MEMO1: variants seen among roughly 807,000 people sequenced by gnomAD.
MEMO1 encodes protein MEMO1.
MEMO1 carries 6 observed loss-of-function variants against 45.2 expected under a neutral mutation model. The observed-to-expected ratio is 0.13, with a 90% CI of 0.07 to 0.26. MEMO1 has a LOEUF of 0.26. MEMO1 is among the 10% of genes least tolerant of loss of function. The pLI is 1.00. For synonymous variants in MEMO1, 78 were observed against 124.3 expected, an observed-to-expected ratio of 0.63 and a Z score of 2.48; for missense variants, 184 against 370.5, an observed-to-expected ratio of 0.50 and a Z score of 4.13.
chr2:31,910,859 CA>C lies in MEMO1; in HGVS notation c.437+7066del, dbSNP rs1239007112. Among the ~76,000 whole-genome samples, 4 of 150,752 alleles carry C rather than the reference CA, an allele frequency of 2.7e-5. No individual in the cohort carries two copies. The East Asian group carries it at 7.8e-4, about 29-fold the overall frequency. On this transcript the variant is annotated intron_variant, in intron 6 of 9. Transcript: ENST00000404530. The stretch of plus-strand genomic sequence containing the variant: ...CCTAAATAAGAGTAAGAGCCCGTCT[CA>C]AAAAAATAAAAAATAAAGAAAGTTG...
intron 7 of MEMO1, among the ~76,000 whole-genome samples, chr2:31,891,589 A>C (rs1328126056): frequency 6.6e-6 from 1 of 152,158 alleles, no homozygotes; most frequent in African/African-American, 2.4e-5. Flanking sequence ...CAAAAAAGGA[A>C]ATGTGGAAAA....
intron 6 of MEMO1, among the ~76,000 whole-genome samples, chr2:31,909,727 C>T (rs1239672666): frequency 2.6e-5 from 4 of 151,984 alleles, no homozygotes; most frequent in Non-Finnish European, 5.9e-5. Flanking sequence ...TATCAAAATA[C>T]CAATGACATT....
At position 31,970,600 on chromosome 2, in the gene MEMO1, C is replaced by G. The variant is rs113843261; in HGVS notation, c.62-27217G>C. On this transcript the variant is annotated intron_variant, in intron 2 of 9. Transcript: ENST00000404530. ...CCAAACTGTATAGTTCTCATTGACA[C>G]GCAAAATGCACTATCATTCCCACCA... is the stretch of plus-strand genomic sequence containing the variant. Among the ~76,000 whole-genome samples the G allele has an allele frequency of 8.1e-3, 1,230 of 151,178 alleles. 6 individuals carry two copies. Among genetic ancestry groups the G allele is most frequent in the Non-Finnish European group, 0.014 (967 of 67,886 alleles).
chr2:31,971,237 G>C (rs533100891), intron 2 of MEMO1, among the ~76,000 whole-genome samples: 2 of 152,212 alleles, frequency 1.3e-5, no homozygotes, highest in African/African-American at 4.8e-5. Flanking sequence ...CAGTCACCCA[G>C]AAAAATGTAA....
At position 32,009,279 on chromosome 2, in the gene MEMO1, G is replaced by T. The variant is rs571281618; in HGVS notation, c.61+908C>A. 3.9e-5 allele frequency among the ~76,000 whole-genome samples: 6 copies of T among 152,222 alleles called. No individual in the cohort carries two copies. The South Asian group carries it at 1.0e-3, about 26-fold the overall frequency. On this transcript the variant is annotated intron_variant, in intron 2 of 9. Coordinates refer to ENST00000404530, the MANE Select transcript of MEMO1 (RefSeq NM_001301833.4). ...AGGGCGACCAGTGACTGGGGCGACT[G>T]CTCGGGAAAAGTGCTGATGCCATAT...
chr2:31,991,534 G>A (rs1271059437), intron 2 of MEMO1, among the ~76,000 whole-genome samples: 1 of 142,792 alleles, frequency 7.0e-6, no homozygotes, highest in Non-Finnish European at 1.5e-5. Flanking sequence ...TCGCCCCATT[G>A]TACCCCAGCC....
intron 2 of MEMO1, among the ~76,000 whole-genome samples, chr2:31,969,589 GTGTGTGTGTGTGT>G (rs1669102463): frequency 2.8e-4 from 12 of 43,548 alleles, no homozygotes; most frequent in South Asian, 2.3e-3. Context: ...GTGTGTGGGT[GTGTGTGTGTGTGT>G]GTGTGTGTGT....
intron 9 of MEMO1, 145 bp downstream of exon 9, chr2:31,869,702 AT>A: frequency 4.0e-6 from 3 of 741,760 alleles, no homozygotes; most frequent in Non-Finnish European, 6.0e-6. Context: ...ACCAAAAGCA[AT>A]GGAACTCCAA....
chr2:31,927,017 A>G (rs115145275), intron 4 of MEMO1, among the ~76,000 whole-genome samples: 1,556 of 152,270 alleles, frequency 0.01, 19 homozygotes, highest in Middle Eastern at 0.054. Flanking sequence ...ACTGTAAAAC[A>G]GACAATGAAT....
intron 2 of MEMO1, among the ~76,000 whole-genome samples, chr2:31,961,683 T>C (rs910969414): frequency 1.3e-5 from 2 of 151,054 alleles, no homozygotes; most frequent in Non-Finnish European, 3.0e-5. Context: ...GAAGCTGAGG[T>C]GGGAGGATCA....
intron 3 of MEMO1, among the ~76,000 whole-genome samples, chr2:31,936,429 ATTGAT>A: frequency 6.6e-6 from 1 of 152,334 alleles, no homozygotes; most frequent in South Asian, 2.1e-4. Context: ...GCCTCTAAAA[ATTGAT>A]CCTTCTTTTA....
intron 2 of MEMO1, among the ~76,000 whole-genome samples, chr2:31,997,589 T>G (rs1364880350): frequency 1.3e-5 from 2 of 152,086 alleles, no homozygotes; most frequent in African/African-American, 4.8e-5. Context: ...TCAGAATTAG[T>G]CAATCTTATG....
At chr2:31,962,804 G>A (rs1292745328) in intron 2 of MEMO1, among the ~76,000 whole-genome samples, 1 of 152,150 alleles carries the variant, frequency 6.6e-6, no homozygotes, top group Non-Finnish European at 1.5e-5. Flanking sequence ...TGACTTAACT[G>A]GACCAGAGGG....
At chr2:31,935,971 T>C (rs1664872976) in intron 3 of MEMO1, among the ~76,000 whole-genome samples, 1 of 152,040 alleles carries the variant, frequency 6.6e-6, no homozygotes. Flanking sequence ...TTTATTTATT[T>C]ATTTATTTTT....
rs991922468 is a variant in MEMO1, at chr2:31,937,715, A to C, written c.144-5580T>G. Among the ~76,000 whole-genome samples, 3 of 152,238 alleles carry C rather than the reference A, an allele frequency of 2.0e-5. No homozygotes were observed. The East Asian group carries it at 5.8e-4, about 29-fold the overall frequency. ...ACTCCTACTAGGTTAACTAATATCA[A>C]GTCAAAGTCCTACTAGGTTAACTAA... is the stretch of plus-strand genomic sequence containing the variant. On this transcript the variant is annotated intron_variant, in intron 3 of 9. Coordinates refer to ENST00000404530, the MANE Select transcript of MEMO1 (RefSeq NM_001301833.4).
intron 6 of MEMO1, among the ~76,000 whole-genome samples, chr2:31,912,137 C>T (rs1171582935): frequency 1.3e-5 from 2 of 152,048 alleles, no homozygotes; most frequent in East Asian, 3.9e-4. Flanking sequence ...GAGTTCAAGA[C>T]CAGCCTGGTC....
intron 4 of MEMO1, among the ~76,000 whole-genome samples, chr2:31,925,574 A>G (rs528653590): frequency 1.3e-5 from 2 of 152,000 alleles, no homozygotes; most frequent in South Asian, 2.1e-4. Context: ...GTCTACCACA[A>G]TAGTTCTCAA....
chr2:31,898,937 G>T (rs554691408), intron 6 of MEMO1, among the ~76,000 whole-genome samples: 14 of 152,248 alleles, frequency 9.2e-5, no homozygotes, highest in Middle Eastern at 6.8e-3. Flanking sequence ...AGCTCTTCTT[G>T]TTGCATTGAT....
intron 2 of MEMO1, among the ~76,000 whole-genome samples, chr2:31,945,890 G>C (rs1666136489): frequency 6.6e-6 from 1 of 152,208 alleles, no homozygotes; most frequent in African/African-American, 2.4e-5. Flanking sequence ...ATGGTATCAA[G>C]TCCTCTTACT....
Sources: gnomAD v4.1 joint callset for allele counts (sites outside exome capture counted in the v4.1 genomes callset) on GRCh38, gnomAD v4.1.1 for gene constraint, MANE v1.5 for transcripts, NCBI Gene and HGNC (gene_info 2026-07-23, HGNC 2026-07-21) for gene names.